Variants in SPSB2 observed in about 807,000 individuals in gnomAD.
SPSB2 encodes the protein splA/ryanodine receptor domain and SOCS box containing 2, also known as SPRY domain-containing SOCS box protein 2.
SPSB2 carries 25 observed loss-of-function variants against 19.2 expected under a neutral mutation model. The ratio of observed to expected loss-of-function variants is 1.30; its 90% CI spans 0.95 to 1.82. The LOEUF (loss-of-function observed/expected upper bound fraction) is 1.82, where lower values mean the gene tolerates loss of function less well. Ranked by LOEUF, SPSB2 falls within the 40% of genes most tolerant of loss-of-function variation. The pLI, the probability that SPSB2 is intolerant of heterozygous loss-of-function variation, is 0.00. For synonymous variants in SPSB2, 153 were observed against 154.9 expected (o/e 0.99, Z 0.09); for missense variants, 413 against 344.9 (o/e 1.20, Z -1.56).
chr12:6,872,312 C>G lies in SPSB2; in HGVS notation c.590G>C (p.Arg197Thr). ...LGPAFRGLKG[R>T]TLYPAVSAVW... ...AGCGCTTACTGCCGGATAGAGGGTC[C>G]TGCCCTTCAGTCCGCGGAATGCTGG... Residue 197 changes from arginine to threonine, a missense_variant, in exon 2 of 3, where the codon AGG becomes ACG. By Grantham distance (71) the Arg-to-Thr change is moderately conservative. Coordinates refer to ENST00000524270, the MANE Select transcript of SPSB2 (RefSeq NM_032641.4). 1 of 1,614,216 alleles carries G rather than the reference C, an allele frequency of 6.2e-7. No homozygotes were observed. Among genetic ancestry groups the G allele is most frequent in the Non-Finnish European group, 8.5e-7 (1 of 1,180,034 alleles).
intron 1 of SPSB2, 97 bp downstream of exon 1, chr12:6,873,149 T>C: frequency 2.2e-6 from 1 of 461,724 alleles, no homozygotes; most frequent in Admixed American, 3.7e-5. Context: ...CCCCATCTGA[T>C]CCAGGTCGCC....
chr12:6,873,029 C>A, intron 1 of SPSB2, 32 bp from the exon 2 acceptor site: 1 of 654,360 alleles, frequency 1.5e-6, no homozygotes, highest in Non-Finnish European at 2.6e-6. Flanking sequence ...GAGCAGAATC[C>A]TGGCGGGGGC....
intron 2 of SPSB2, 58 bp from the exon 3 acceptor site, chr12:6,871,377 C>G (rs1399334870): frequency 9.6e-6 from 15 of 1,568,406 alleles, no homozygotes; most frequent in Non-Finnish European, 1.3e-5. Flanking sequence ...CAGATGTCCT[C>G]AAACTACGGG....
chr12:6,872,110 A>G (rs1944606642), intron 2 of SPSB2, 128 bp downstream of exon 2: 3 of 1,610,900 alleles, frequency 1.9e-6, no homozygotes, highest in Non-Finnish European at 2.5e-6. Context: ...AGCCTTTCCC[A>G]GCACTGAACA....
intron 2 of SPSB2, 65 bp from the exon 3 acceptor site, chr12:6,871,384 C>CG: frequency 6.5e-7 from 1 of 1,549,576 alleles, no homozygotes; most frequent in South Asian, 1.2e-5. Flanking sequence ...CCTCAAACTA[C>CG]GGGGTCCTAC....
chr12:6,871,206 G>A lies in SPSB2; in HGVS notation c.778C>T (p.Leu260=), dbSNP rs781796397. Residue 260 remains leucine, a synonymous_variant, in exon 3 of 3, where the codon CTG becomes TTG. Coordinates refer to ENST00000524270, the MANE Select transcript of SPSB2 (RefSeq NM_032641.4). The stretch of plus-strand genomic sequence containing the variant: ...TATCACAGGGCTCACTGGTAGAGCA[G>A]GTAGCGCTTCATGGCAGGGGGCAAG... ...LPLPPAMKRY[L]LYQ is the part of the protein sequence containing the mutation. The A allele has an allele frequency of 6.2e-7, 1 of 1,604,862 alleles. No individual in the cohort carries two copies. The highest frequency in any genetic ancestry group is 8.5e-7 in the Non-Finnish European group (1 of 1,175,764).
chr12:6,872,530 C>G lies in SPSB2; in HGVS notation c.372G>C (p.Leu124=), dbSNP rs781815017. The change falls in exon 2 of 3, where the codon CTG becomes CTC. Residue 124 remains leucine (L), a synonymous_variant. Coordinates refer to ENST00000524270, the MANE Select transcript of SPSB2 (RefSeq NM_032641.4). ...PLQTDHYAAL[L]GSNSESWGWD... Reference sequence around the variant, plus strand: ...AGCCCCACGACTCGCTGTTGCTGCCCAGCAGCGCCGCGTAGTGGTCAGTCT... The same window carrying G: ...AGCCCCACGACTCGCTGTTGCTGCCGAGCAGCGCCGCGTAGTGGTCAGTCT... The G allele has an allele frequency of 2.4e-5, 39 of 1,611,590 alleles. No homozygotes were observed. Among genetic ancestry groups the G allele is most frequent in the Non-Finnish European group, 3.3e-5 (39 of 1,179,854 alleles).
rs782030794 is a variant in SPSB2, at chr12:6,872,769, G to T, written c.133C>A (p.Arg45Ser). 1 of 1,612,436 alleles carries T rather than the reference G, an allele frequency of 6.2e-7. No homozygotes were observed. The highest frequency in any genetic ancestry group is 8.5e-7 in the Non-Finnish European group (1 of 1,180,024). ...APPPDLGAQR[R>S]HGWNPKDCSE... Reference sequence around the variant, plus strand: ...CAGTCTTTGGGGTTCCAACCGTGGCGCCGCTGGGCCCCCAGGTCAGGAGGG... The same window carrying T: ...CAGTCTTTGGGGTTCCAACCGTGGCTCCGCTGGGCCCCCAGGTCAGGAGGG... The change falls in exon 2 of 3, where the codon CGC becomes AGC. Residue 45 changes from arginine to serine, a missense_variant. By Grantham distance (110) the Arg-to-Ser change is moderately radical. Transcript: ENST00000524270.
At chr12:6,871,938 C>G in intron 2 of SPSB2, 1 of 1,390,000 alleles carries the variant, frequency 7.2e-7, no homozygotes, top group South Asian at 1.5e-5. Flanking sequence ...ACCTCTTGCT[C>G]AGGGGTTGAT....
chr12:6,871,995 G>T, intron 2 of SPSB2: 1 of 1,455,628 alleles, frequency 6.9e-7, no homozygotes. Flanking sequence ...CCATTCTGAA[G>T]GTTCACCATT....
At chr12:6,872,076 T>G in intron 2 of SPSB2, 162 bp downstream of exon 2, 3 of 1,572,460 alleles carry the variant, frequency 1.9e-6, no homozygotes, top group Non-Finnish European at 2.6e-6. Context: ...TGGGTTAAAT[T>G]AAATAACAGC....
Position 6,871,101 on chromosome 12 carries a change from C to G in SPSB2, c.*91G>C. On this transcript the variant is annotated 3_prime_UTR_variant, in exon 3 of 3. Coordinates refer to ENST00000524270, the MANE Select transcript of SPSB2 (RefSeq NM_032641.4). ...GTAGGGGCTCAGCCTCACCAGCTTT[C>G]AGCAGCTGGTCTAGGCCAGCAGTGC... 1 of 1,481,724 alleles carries G rather than the reference C, an allele frequency of 6.7e-7. No homozygotes were observed. The highest frequency in any genetic ancestry group is 9.2e-7 in the Non-Finnish European group (1 of 1,089,570). 91.8% of individuals were successfully genotyped at this position (1,481,724 alleles called of 1,614,324 possible).
chr12:6,872,879 C>A lies in SPSB2; in HGVS notation c.23G>T (p.Gly8Val). The stretch of plus-strand genomic sequence containing the variant: ...TGGCGTGGGGGTGCTGCTGCTGCCC[C>A]CTGCCAGAGCTGTCTGGCCCATGGA... Reference protein sequence around the residue: MGQTALAGGSSSTPTPQA... With the variant: MGQTALAVGSSSTPTPQA... Residue 8 changes from glycine (G) to valine (V), a missense_variant, in exon 2 of 3, where the codon GGG (glycine) becomes GTG (valine). Transcript: ENST00000524270. The A allele has an allele frequency of 6.3e-7, 1 of 1,586,552 alleles. No individual in the cohort carries two copies. The highest frequency in any genetic ancestry group is 8.6e-7 in the Non-Finnish European group (1 of 1,162,346).
In SPSB2 at chr12:6,872,482, C is replaced by G. The variant is rs782206345; in HGVS notation, c.420G>C (p.Leu140=). ...SWGWDIGRGK[L]YHQSKGPGAP... ...CTCCGGGCCCCTTGCTCTGATGGTA[C>G]AGCTTCCCCCGCCCGATGTCCCAGC... is the stretch of plus-strand genomic sequence containing the variant. Residue 140 remains leucine (L), a synonymous_variant, in exon 2 of 3, where the codon CTG becomes CTC. Transcript: ENST00000524270. The G allele has an allele frequency of 1.9e-5, 30 of 1,613,352 alleles. No individual in the cohort carries two copies. The highest frequency in any genetic ancestry group is 5.0e-5 in the Admixed American group (3 of 60,000).
At chr12:6,871,769 G>T in intron 2 of SPSB2, 1 of 372,858 alleles carries the variant, frequency 2.7e-6, no homozygotes, top group Non-Finnish European at 4.9e-6. Flanking sequence ...GGTGCCCAGG[G>T]CCCCAGTGTC....
At chr12:6,872,081 A>T (rs782552953) in intron 2 of SPSB2, 157 bp downstream of exon 2, 17 of 1,579,108 alleles carry the variant, frequency 1.1e-5, no homozygotes, top group Non-Finnish European at 1.5e-5. Context: ...TAAATTAAAT[A>T]ACAGCTGTGA....
In SPSB2 at chr12:6,871,332, A is replaced by AG; in HGVS notation, c.665-14dup. On this transcript the variant is annotated splice_polypyrimidine_tract_variant and intron_variant, in intron 2 of 2. Coordinates refer to ENST00000524270, the MANE Select transcript of SPSB2 (RefSeq NM_032641.4). ...GAGTGTGGCTCCGCTGGGAGAGAGAAGGAGGGGAATGTAAGTATGGGTGCA... is the reference window on the plus strand; with the variant it reads ...GAGTGTGGCTCCGCTGGGAGAGAGAAGGGAGGGGAATGTAAGTATGGGTGCA... 1 of 1,603,280 alleles carries AG rather than the reference A, an allele frequency of 6.2e-7. No homozygotes were observed. The highest frequency in any genetic ancestry group is 1.1e-5 in the South Asian group (1 of 90,588).
intron 1 of SPSB2, 74 bp from the exon 2 acceptor site, chr12:6,873,071 A>G (rs1442266494): frequency 1.8e-6 from 1 of 571,410 alleles, no homozygotes; most frequent in Non-Finnish European, 3.1e-6. Context: ...CTTTCACCCA[A>G]GTTTGCCAAC....
At position 6,872,910 on chromosome 12, in the gene SPSB2, G is replaced by A. The variant is rs782553519; in HGVS notation, c.-9C>T. 2.6e-6 allele frequency: 4 copies of A among 1,534,994 alleles called. No individual in the cohort carries two copies. The highest frequency in any genetic ancestry group is 1.8e-6 in the Non-Finnish European group (2 of 1,139,450). On this transcript the variant is annotated 5_prime_UTR_variant, in exon 2 of 3. Coordinates refer to ENST00000524270, the MANE Select transcript of SPSB2 (RefSeq NM_032641.4). ...AGAGCTGTCTGGCCCATGGAGGTGA[G>A]GAGCTAGAGGACTCCCCGAAAGAGG...
Sources: allele counts gnomAD v4.1 joint callset, GRCh38; gene constraint gnomAD v4.1.1; transcripts MANE v1.5; gene names NCBI Gene and HGNC (gene_info 2026-07-23, HGNC 2026-07-21).